The following IL2RB variants were observed in gnomAD, a reference collection of about 807,000 sequenced individuals.
IL2RB encodes the protein interleukin-2 receptor subunit beta.
Under a neutral mutation model 44.2 loss-of-function variants are expected in IL2RB, and 17 were observed. The ratio of observed to expected loss-of-function variants is 0.38; its 90% confidence interval spans 0.26 to 0.58. The LOEUF (loss-of-function observed/expected upper bound fraction) is 0.58. Ranked by LOEUF, IL2RB falls within the 20% of genes least tolerant of loss-of-function variation. IL2RB has a pLI of 0.63. For missense variants in IL2RB, 624 were observed against 685.5 expected (o/e 0.91, Z 1.00); for synonymous variants, 286 against 297.9 (o/e 0.96, Z 0.41).
In IL2RB at chr22:37,136,385, G is replaced by T; in HGVS notation, c.546C>A (p.Pro182=). The change falls in exon 7 of 10, where the codon CCC becomes CCA. Residue 182 remains proline (P), a synonymous_variant. Coordinates refer to ENST00000216223, the MANE Select transcript of IL2RB (RefSeq NM_000878.5). ...CCTGCTTCTGCTTGAGAGTCAGCAG[G>T]GGGGCCTCCTGGGTCGGAGACAGGA... is the stretch of plus-strand genomic sequence containing the variant. ...LSPGHTWEEA[P]LLTLKQKQEW... 6.2e-7 allele frequency: 1 copy of T among 1,609,594 alleles called. No individual in the cohort carries two copies.
At chr22:37,131,711 A>G (rs549444683) in intron 9 of IL2RB, among the ~76,000 whole-genome samples, 2 of 151,560 alleles carry the variant, frequency 1.3e-5, no homozygotes, top group Admixed American at 1.3e-4. Context: ...CGTTCAGCAC[A>G]CCGGCAACGG....
At position 37,127,181 on chromosome 22, in the gene IL2RB, G is replaced by A. The variant is rs1365190888; in HGVS notation, c.*915C>T. 1 of 152,208 alleles carries A rather than the reference G, an allele frequency of 6.6e-6. No individual in the cohort carries two copies. The highest frequency in any genetic ancestry group is 2.4e-5 in the African/African-American group (1 of 41,402). 9.4% of individuals were successfully genotyped at this position (152,208 alleles called of 1,614,324 possible). A position where few individuals can be genotyped will look rare whatever the true frequency, so the allele number is the denominator to read the frequency against. On this transcript the variant is annotated 3_prime_UTR_variant, in exon 10 of 10. Transcript: ENST00000216223. The stretch of plus-strand genomic sequence containing the variant: ...GAAGCCACTGTGGGAAGATGCAGCA[G>A]GCATCCACTTTGTGGGGGGATCTGT...
At chr22:37,143,807 C>T (rs1922089810) in intron 2 of IL2RB, among the ~76,000 whole-genome samples, 172 bp from the exon 3 acceptor site, 1 of 152,144 alleles carries the variant, frequency 6.6e-6, no homozygotes, top group Middle Eastern at 3.4e-3. Flanking sequence ...AATGGAGCTC[C>T]AGAGCCTGCA....
chr22:37,173,019 C>T (rs1435531629), intron 1 of IL2RB, among the ~76,000 whole-genome samples: 1 of 152,158 alleles, frequency 6.6e-6, no homozygotes, highest in Non-Finnish European at 1.5e-5. Flanking sequence ...CTGGTGTGGC[C>T]CACTGGACAA....
chr22:37,172,149 T>C (rs1395250012), intron 1 of IL2RB, among the ~76,000 whole-genome samples: 1 of 151,140 alleles, frequency 6.6e-6, no homozygotes, highest in Admixed American at 6.6e-5. Context: ...TTCTGGGACC[T>C]TTGGCACCTC....
intron 9 of IL2RB, among the ~76,000 whole-genome samples, chr22:37,130,770 T>G (rs1921385195): frequency 6.6e-6 from 1 of 152,230 alleles, no homozygotes; most frequent in Non-Finnish European, 1.5e-5. Context: ...TTCTGACACA[T>G]AGGCAACCAT....
intron 1 of IL2RB, among the ~76,000 whole-genome samples, chr22:37,173,826 C>T (rs1923364944): frequency 1.3e-5 from 2 of 152,198 alleles, no homozygotes; most frequent in African/African-American, 2.4e-5. Flanking sequence ...AGCTTGAAGC[C>T]TCGTGAGCAG....
chr22:37,142,608 C>T (rs764062926), intron 3 of IL2RB, 96 bp from the exon 4 acceptor site: 5 of 1,312,360 alleles, frequency 3.8e-6, no homozygotes, highest in Non-Finnish European at 5.5e-6. Flanking sequence ...CAGGATGGCA[C>T]CAGGCAGCAA....
At chr22:37,138,352 A>G (rs1921806974) in intron 5 of IL2RB, among the ~76,000 whole-genome samples, 1 of 152,226 alleles carries the variant, frequency 6.6e-6, no homozygotes, top group Non-Finnish European at 1.5e-5. Flanking sequence ...CAGTTCAAAG[A>G]TGCCTTACAA....
In IL2RB at chr22:37,166,496, G is replaced by A. The variant is rs371549877; in HGVS notation, c.-34+8462C>T. Among the ~76,000 whole-genome samples the A allele has an allele frequency of 5.3e-5, 8 of 152,294 alleles. No individual in the cohort carries two copies. The East Asian group carries it at 1.2e-3, about 22-fold the overall frequency. ...TCCGTTCCCGCGGTGGAGGGAGGAC[G>A]CCTAGGCCTTGGGAGGGATCGGGAG... On this transcript the variant is annotated intron_variant, in intron 1 of 5. Transcript: ENST00000429622.
In IL2RB at chr22:37,136,186, CT is replaced by C. The variant is rs779018256; in HGVS notation, c.703+41del. The stretch of plus-strand genomic sequence containing the variant: ...GAGCAGCTCCTCCTCCAGCCGCCCC[CT>C]CCTGCCTGAGCCCCCTCTCACCCTT... On this transcript the variant is annotated intron_variant, in intron 7 of 9. Coordinates refer to ENST00000216223, the MANE Select transcript of IL2RB (RefSeq NM_000878.5). The C allele has an allele frequency of 7.0e-6, 11 of 1,577,168 alleles. No homozygotes were observed. In the South Asian group the frequency reaches 1.3e-4, roughly 18 times the overall value.
upstream of IL2RB, among the ~76,000 whole-genome samples, chr22:37,153,719 GAGGAAGGGTT>G (rs1922576617): frequency 6.6e-6 from 1 of 152,238 alleles, no homozygotes; most frequent in Admixed American, 6.5e-5. Flanking sequence ...AGAGCCAGGT[GAGGAAGGGTT>G]AGGAAGGACG....
In IL2RB at chr22:37,144,057, A is replaced by C. The variant is rs1223421553; in HGVS notation, c.88+28T>G. On this transcript the variant is annotated intron_variant, in intron 2 of 9. Transcript: ENST00000216223. ...TTAGCCATCTCTCCATAGGGAAAGC[A>C]GAGCTGTTCAGATGTCAGGGTCCTC... 11 of 1,551,638 alleles carry C rather than the reference A, an allele frequency of 7.1e-6. No homozygotes were observed. The Admixed American group carries it at 2.0e-4, about 28-fold the overall frequency.
In IL2RB at chr22:37,139,223, C is replaced by T; in HGVS notation, c.283-1G>A. On this transcript the variant is annotated splice_acceptor_variant, in intron 4 of 9. Coordinates refer to ENST00000216223, the MANE Select transcript of IL2RB (RefSeq NM_000878.5). LOFTEE classifies it high-confidence loss of function. The stretch of plus-strand genomic sequence containing the variant: ...TGTCAACTGTGGTCAGTTTCTGAGA[C>T]TGCAAGGGAAGGAGGGCAGGGGTGA... 1 of 1,607,908 alleles carries T rather than the reference C, an allele frequency of 6.2e-7. No individual in the cohort carries two copies. The highest frequency in any genetic ancestry group is 8.5e-7 in the Non-Finnish European group (1 of 1,175,512).
At position 37,139,082 on chromosome 22, in the gene IL2RB, C is replaced by T. The variant is rs988221836; in HGVS notation, c.388+35G>A. On this transcript the variant is annotated intron_variant, in intron 5 of 9. Transcript: ENST00000216223. Reference sequence around the variant, plus strand: ...GAGGTGGAAGGAAGGAGGTGCCCAGCCCTGCCCCAGCCCCACCCTGGCTTC... The same window carrying T: ...GAGGTGGAAGGAAGGAGGTGCCCAGTCCTGCCCCAGCCCCACCCTGGCTTC... 5.7e-6 allele frequency: 8 copies of T among 1,399,446 alleles called. No individual in the cohort carries two copies. The African/African-American group carries it at 8.5e-5, about 15-fold the overall frequency. 86.7% of individuals were successfully genotyped at this position (1,399,446 alleles called of 1,614,324 possible). A position where few individuals can be genotyped will look rare whatever the true frequency, so the allele number is the denominator to read the frequency against.
chr22:37,128,519 C>T lies in IL2RB; in HGVS notation c.1233G>A (p.Leu411=). 3 of 1,612,156 alleles carry T rather than the reference C, an allele frequency of 1.9e-6. No individual in the cohort carries two copies. Among genetic ancestry groups the T allele is most frequent in the Non-Finnish European group, 1.7e-6 (2 of 1,178,540 alleles). The change falls in exon 10 of 10, where the codon CTG becomes CTA. Residue 411 remains leucine, a synonymous_variant. Coordinates refer to ENST00000216223, the MANE Select transcript of IL2RB (RefSeq NM_000878.5). This position sits in a 1 kb window ranked among gnomAD's most constrained non-coding sequence, Gnocchi z 4.5. The part of the protein sequence containing the change: ...TGSSPQPLQP[L]SGEDDAYCTF... ...TGCAGTAGGCGTCGTCCTCCCCTGA[C>T]AGAGGCTGCAGGGGTTGGGGGGAAG...
chr22:37,171,907 C>T (rs182558256), intron 1 of IL2RB, among the ~76,000 whole-genome samples: 171 of 152,246 alleles, frequency 1.1e-3, no homozygotes, highest in African/African-American at 3.8e-3. Context: ...CCTTTGAGCT[C>T]GCTACTCTTG....
At chr22:37,162,195 G>T (rs2145737412) in intron 1 of IL2RB, among the ~76,000 whole-genome samples, 1 of 152,326 alleles carries the variant, frequency 6.6e-6, no homozygotes, top group African/African-American at 2.4e-5. Context: ...TCGAGTGAGA[G>T]GGCAGCGAGG....
chr22:37,128,216 G>T lies in IL2RB; in HGVS notation c.1536C>A (p.Pro512=), dbSNP rs773735774. ...CCCCCTGCCCAGGAGGCCTGGACCAGGGGAAACTGACTCCCTCCCTGGGGC... is the reference window on the plus strand; with the variant it reads ...CCCCCTGCCCAGGAGGCCTGGACCATGGGAAACTGACTCCCTCCCTGGGGC... ...DAGPREGVSF[P]WSRPPGQGEF... Residue 512 remains proline, a synonymous_variant, in exon 10 of 10, where the codon CCC becomes CCA. Coordinates refer to ENST00000216223, the MANE Select transcript of IL2RB (RefSeq NM_000878.5). The surrounding 1 kb of genome is among the most constrained non-coding windows in gnomAD (Gnocchi z 4.5). 29 of 1,513,866 alleles carry T rather than the reference G, an allele frequency of 1.9e-5. No individual in the cohort carries two copies. In the East Asian group the frequency reaches 6.5e-4, roughly 34 times the overall value. 93.8% of individuals were successfully genotyped at this position (1,513,866 alleles called of 1,614,324 possible). A position where few individuals can be genotyped will look rare whatever the true frequency, so the allele number is the denominator to read the frequency against.
Sources: gnomAD v4.1 joint callset for allele counts (sites outside exome capture counted in the v4.1 genomes callset) on GRCh38, gnomAD v4.1.1 for gene constraint, Gnocchi (gnomAD v3.1) non-coding constraint, MANE v1.5 for transcripts, NCBI Gene and HGNC (gene_info 2026-07-23, HGNC 2026-07-21) for gene names.